TBCK: variants seen among roughly 807,000 people sequenced by gnomAD.
The protein encoded by TBCK is TBC1 domain containing kinase.
Under a neutral mutation model 113.4 loss-of-function variants are expected in TBCK, and 99 were observed. The observed-to-expected ratio is 0.87, with a 90% CI of 0.74 to 1.03. The LOEUF (loss-of-function observed/expected upper bound fraction) is 1.03. Among genes scored for constraint, TBCK ranks in the 50% least tolerant of loss-of-function variants. TBCK has a pLI of 0.00. For synonymous variants in TBCK, 369 were observed against 370.8 expected, an observed-to-expected ratio of 1.00 and a Z score of 0.05; for missense variants, 1,045 against 1,061.3, an observed-to-expected ratio of 0.98 and a Z score of 0.21.
At chr4:106,219,373 T>G (rs1377015855) in intron 19 of TBCK, among the ~76,000 whole-genome samples, 1 of 129,568 alleles carries the variant, frequency 7.7e-6, no homozygotes, top group African/African-American at 2.8e-5. Flanking sequence ...AGTATAATAA[T>G]AAAAAAATAA....
intron 23 of TBCK, among the ~76,000 whole-genome samples, chr4:106,141,881 AT>A (rs1422552445): frequency 7.1e-6 from 1 of 141,262 alleles, no homozygotes; most frequent in Admixed American, 7.0e-5. Flanking sequence ...TAATTCTACA[AT>A]TTATGTAGAA....
At chr4:106,110,310 T>C (rs1742693800) in intron 24 of TBCK, among the ~76,000 whole-genome samples, 1 of 152,206 alleles carries the variant, frequency 6.6e-6, no homozygotes, top group Admixed American at 6.5e-5. Context: ...CAGCAGGTGG[T>C]GCTCCACATG....
At chr4:106,261,840 T>TA (rs1231325520) in intron 4 of TBCK, among the ~76,000 whole-genome samples, 3 of 151,598 alleles carry the variant, frequency 2.0e-5, no homozygotes, top group South Asian at 2.1e-4. Context: ...AAGAGTAAAA[T>TA]AAAAAAACCA....
chr4:106,059,780 T>C (rs927630537), intron 25 of TBCK, among the ~76,000 whole-genome samples: 12 of 151,828 alleles, frequency 7.9e-5, no homozygotes, highest in Non-Finnish European at 1.6e-4. Context: ...GGCATGTTGA[T>C]AGCCAAGATA....
chr4:106,247,687 T>G (rs1760992075), intron 9 of TBCK: 1 of 159,240 alleles, frequency 6.3e-6, no homozygotes. Flanking sequence ...ACAAAACTAT[T>G]TCTCTCTAAC....
At position 106,288,287 on chromosome 4, in the gene TBCK, A is replaced by C. The variant is rs377287926; in HGVS notation, c.266+6807T>G. ...TGTATGCCTGTAGTCCCAGCTACTC[A>C]GGAGGCTGAGACAGGAGAATCACTT... On this transcript the variant is annotated intron_variant, in intron 3 of 25. Coordinates refer to ENST00000394708, the MANE Select transcript of TBCK (RefSeq NM_001163435.3). Among the ~76,000 whole-genome samples the C allele has an allele frequency of 1.2e-4, 18 of 152,168 alleles. 1 individual carries two copies. In the South Asian group the frequency reaches 3.7e-3, roughly 32 times the overall value.
intron 25 of TBCK, among the ~76,000 whole-genome samples, chr4:106,069,338 G>A (rs1265465497): frequency 6.6e-6 from 1 of 152,182 alleles, no homozygotes; most frequent in Admixed American, 6.5e-5. Context: ...GTAAGGAAGG[G>A]ATCCAGTTTA....
In TBCK at chr4:106,058,748, C is replaced by T. The variant is rs78279335; in HGVS notation, c.2572-12068G>A. Among the ~76,000 whole-genome samples the T allele has an allele frequency of 5.0e-3, 760 of 151,692 alleles. 6 individuals carry two copies. Among genetic ancestry groups the T allele is most frequent in the African/African-American group, 0.018 (725 of 41,424 alleles). On this transcript the variant is annotated intron_variant, in intron 25 of 25. Coordinates refer to ENST00000394708, the MANE Select transcript of TBCK (RefSeq NM_001163435.3). ...GATTCGAACTTCATTTTGAAGGCAA[C>T]GGAAAGTCATAGATATTTTAGCAAC...
chr4:106,122,830 T>C (rs949165312), intron 23 of TBCK, among the ~76,000 whole-genome samples: 1 of 152,072 alleles, frequency 6.6e-6, no homozygotes, highest in Admixed American at 6.5e-5. Context: ...CAACAACCCT[T>C]CATGCTAAAA....
intron 3 of TBCK, among the ~76,000 whole-genome samples, chr4:106,282,486 G>C (rs1016440901): frequency 6.6e-6 from 1 of 151,458 alleles, no homozygotes; most frequent in African/African-American, 2.4e-5. Context: ...TTTTGAATAA[G>C]CATCATTATA....
At chr4:106,216,066 T>A (rs1359336744) in intron 19 of TBCK, among the ~76,000 whole-genome samples, 2 of 151,886 alleles carry the variant, frequency 1.3e-5, no homozygotes, top group African/African-American at 4.8e-5. Context: ...AGAATCTCAC[T>A]CAAAACCACT....
At chr4:106,238,268 G>C (rs1241577585) in intron 12 of TBCK, among the ~76,000 whole-genome samples, 2 of 152,014 alleles carry the variant, frequency 1.3e-5, no homozygotes, top group South Asian at 2.1e-4. Flanking sequence ...TAAATTCAGA[G>C]TACTGAGTAG....
intron 23 of TBCK, 110 bp from the exon 24 acceptor site, chr4:106,116,488 G>C: frequency 1.1e-6 from 1 of 901,960 alleles, no homozygotes; most frequent in Non-Finnish European, 1.6e-6. Flanking sequence ...AAGAGAAGAG[G>C]AAACTATCTA....
intron 7 of TBCK, among the ~76,000 whole-genome samples, chr4:106,250,012 A>T (rs2150059230): frequency 6.6e-6 from 1 of 152,238 alleles, no homozygotes; most frequent in African/African-American, 2.4e-5. Flanking sequence ...GCCTTTTATA[A>T]GGAAAAATCA....
At chr4:106,253,198 G>A (rs1299443849) in intron 5 of TBCK, among the ~76,000 whole-genome samples, 7 of 152,064 alleles carry the variant, frequency 4.6e-5, no homozygotes, top group Admixed American at 2.6e-4. Flanking sequence ...AAAATGTACT[G>A]TTTAGTCAAG....
chr4:106,119,334 G>A (rs1324597591), intron 23 of TBCK, among the ~76,000 whole-genome samples: 1 of 152,022 alleles, frequency 6.6e-6, no homozygotes, highest in Non-Finnish European at 1.5e-5. Flanking sequence ...GTTAAACTTA[G>A]ATGTCCACCC....
intron 20 of TBCK, among the ~76,000 whole-genome samples, chr4:106,208,747 CA>C (rs1755812330): frequency 6.6e-6 from 1 of 152,120 alleles, no homozygotes; most frequent in African/African-American, 2.4e-5. Flanking sequence ...GCTTGCCAAA[CA>C]ATGGGAGAAG....
intron 5 of TBCK, among the ~76,000 whole-genome samples, chr4:106,258,960 G>C (rs1762253873): frequency 6.6e-6 from 1 of 151,850 alleles, no homozygotes; most frequent in Non-Finnish European, 1.5e-5. Flanking sequence ...TTGCCTGTAA[G>C]TTTTCAATAC....
At chr4:106,274,612 G>C (rs1763820864) in intron 3 of TBCK, among the ~76,000 whole-genome samples, 2 of 152,156 alleles carry the variant, frequency 1.3e-5, no homozygotes, top group Admixed American at 1.3e-4. Context: ...TATATGAAAA[G>C]GTCAGGGTAG....
Sources: allele counts gnomAD v4.1 joint callset (sites outside exome capture counted in the v4.1 genomes callset), GRCh38; gene constraint gnomAD v4.1.1; transcripts MANE v1.5; gene names NCBI Gene and HGNC (gene_info 2026-07-23, HGNC 2026-07-21).